The following GPSM2 variants were observed in gnomAD, a reference collection of about 807,000 sequenced individuals.
The protein encoded by GPSM2 is G protein-signaling modulator 2.
GPSM2 carries 58 observed loss-of-function variants against 78.4 expected under a neutral mutation model. The observed-to-expected ratio is 0.74, with a 90% CI of 0.60 to 0.92. The LOEUF (loss-of-function observed/expected upper bound fraction) is 0.92. GPSM2 is among the 40% of genes least tolerant of loss of function. The pLI, the probability that GPSM2 is intolerant of heterozygous loss-of-function variation, is 0.00. For missense variants in GPSM2, 700 were observed against 815.5 expected (o/e 0.86, Z 1.73); for synonymous variants, 224 against 280.2 (o/e 0.80, Z 2.00).
chr1:108,920,531 CT>C (rs935586272), intron 12 of GPSM2, among the ~76,000 whole-genome samples: 52 of 148,496 alleles, frequency 3.5e-4, no homozygotes, highest in Non-Finnish European at 5.1e-4. Context: ...AAAAAAAAGC[CT>C]TTTTTTTTTA....
intron 2 of GPSM2, among the ~76,000 whole-genome samples, chr1:108,886,480 T>C (rs920298467): frequency 6.7e-6 from 1 of 148,800 alleles, no homozygotes; most frequent in African/African-American, 2.4e-5. Flanking sequence ...TCTCACAAGC[T>C]TCACGGTCCC....
chr1:108,924,980 T>C (rs1046404725), intron 14 of GPSM2, among the ~76,000 whole-genome samples: 2 of 152,096 alleles, frequency 1.3e-5, no homozygotes, highest in African/African-American at 4.8e-5. Flanking sequence ...AGGCAAAAAA[T>C]ATTGGTGATA....
At chr1:108,923,446 A>C (rs1650892410) in intron 13 of GPSM2, among the ~76,000 whole-genome samples, 1 of 152,252 alleles carries the variant, frequency 6.6e-6, no homozygotes, top group Non-Finnish European at 1.5e-5. Flanking sequence ...AAACGAAGAC[A>C]GACTGAAGAG....
intron 10 of GPSM2, among the ~76,000 whole-genome samples, chr1:108,907,391 G>GT (rs1247027254): frequency 1.3e-5 from 2 of 152,142 alleles, no homozygotes; most frequent in East Asian, 3.8e-4. Flanking sequence ...CTTAGCAGAA[G>GT]TAAGACCAAA....
Position 108,911,377 on chromosome 1 carries a change from C to T in GPSM2, c.1193-2961C>T, listed in dbSNP as rs371451710. On this transcript the variant is annotated intron_variant, in intron 10 of 14. Coordinates refer to ENST00000264126, the MANE Select transcript of GPSM2 (RefSeq NM_013296.5). Reference sequence around the variant, plus strand: ...ACCCCGTCTCTACTAAAAATACAGACATTAGCTGGGGGTGGTGCAGGGCCC... The same window carrying T: ...ACCCCGTCTCTACTAAAAATACAGATATTAGCTGGGGGTGGTGCAGGGCCC... 4.6e-5 allele frequency among the ~76,000 whole-genome samples: 7 copies of T among 151,926 alleles called. No individual in the cohort carries two copies. In the East Asian group the frequency reaches 1.2e-3, roughly 25 times the overall value.
intron 1 of GPSM2, among the ~76,000 whole-genome samples, chr1:108,881,320 A>G (rs1174966726): frequency 2.0e-5 from 3 of 152,212 alleles, no homozygotes; most frequent in African/African-American, 7.2e-5. Context: ...TGGAGGTTGG[A>G]GGTTGAACTT....
Position 108,901,910 on chromosome 1 carries a change from G to A in GPSM2, c.918G>A (p.Leu306=), listed in dbSNP as rs768771173. The A allele has an allele frequency of 6.2e-7, 1 of 1,611,920 alleles. No homozygotes were observed. Among genetic ancestry groups the A allele is most frequent in the South Asian group, 1.1e-5 (1 of 91,034 alleles). The change falls in exon 8 of 15, where the codon CTG becomes CTA. Residue 306 remains leucine (L), a synonymous_variant. Transcript: ENST00000264126. The part of the protein sequence containing the change: ...QDYEKAIDYH[L]KHLAIAQELN... ...ATGAAAAGGCCATTGATTATCATCT[G>A]AAGCACTTAGCAATTGCTCAAGAGC... is the stretch of plus-strand genomic sequence containing the variant.
chr1:108,899,034 C>T, intron 7 of GPSM2, 40 bp downstream of exon 7: 1 of 1,158,782 alleles, frequency 8.6e-7, no homozygotes, highest in South Asian at 1.2e-5. Flanking sequence ...AAAATGAATA[C>T]TCAGTCCCAT....
At position 108,924,179 on chromosome 1, in the gene GPSM2, G is replaced by C. The variant is rs757748322; in HGVS notation, c.1780G>C (p.Asp594His). 6.2e-7 allele frequency: 1 copy of C among 1,613,430 alleles called. No individual in the cohort carries two copies. The highest frequency in any genetic ancestry group is 1.1e-5 in the South Asian group (1 of 91,064). ...HLMTNDNKEA[D>H]EDFFDILVKC... Reference sequence around the variant, plus strand: ...GATGACTAATGACAACAAAGAGGCTGATGAAGATTTCTTTGACATCCTTGT... The same window carrying C: ...GATGACTAATGACAACAAAGAGGCTCATGAAGATTTCTTTGACATCCTTGT... The change falls in exon 14 of 15, where the codon GAT (aspartate) becomes CAT (histidine). Residue 594 changes from aspartate (D) to histidine (H), a missense_variant. By Grantham distance (81) the Asp-to-His change is moderately conservative. Transcript: ENST00000264126.
chr1:108,889,647 CCTTTA>C (rs1331769195), intron 2 of GPSM2, among the ~76,000 whole-genome samples: 3 of 152,268 alleles, frequency 2.0e-5, no homozygotes, highest in South Asian at 2.1e-4. Flanking sequence ...TGAAGAGGAA[CCTTTA>C]CTTTACTTTT....
intron 11 of GPSM2, among the ~76,000 whole-genome samples, chr1:108,917,990 T>A (rs1353574395): frequency 1.3e-5 from 2 of 152,136 alleles, no homozygotes; most frequent in Non-Finnish European, 2.9e-5. Flanking sequence ...ACCTTTAGAC[T>A]TACTTGTAAA....
chr1:108,897,866 TC>T (rs1391314226), intron 4 of GPSM2, 92 bp from the exon 5 acceptor site: 40 of 1,345,800 alleles, frequency 3.0e-5, no homozygotes, highest in Non-Finnish European at 4.1e-5. Flanking sequence ...AAAATTTTTT[TC>T]CCTTGTCCGT....
intron 10 of GPSM2, among the ~76,000 whole-genome samples, chr1:108,912,298 A>T (rs1215660891): frequency 1.3e-5 from 2 of 152,218 alleles, no homozygotes; most frequent in African/African-American, 4.8e-5. Flanking sequence ...TATAAGTAAT[A>T]AGACAGTGTG....
rs1358162169 is a variant in GPSM2, at chr1:108,934,419, TTAAAA to T, written c.*4484_*4488del. 18 of 473,224 alleles carry T rather than the reference TTAAAA, an allele frequency of 3.8e-5. No homozygotes were observed. Among genetic ancestry groups the T allele is most frequent in the African/African-American group, 2.9e-4 (15 of 52,036 alleles). 29.3% of individuals were successfully genotyped at this position (473,224 alleles called of 1,614,324 possible). ...CAGTGATGCCTGTCATCTGTTCATC[TTAAAA>T]TAAACACTTCTTACTTTATGGGATG... On this transcript the variant is annotated 3_prime_UTR_variant, in exon 15 of 15. Coordinates refer to ENST00000264126, the MANE Select transcript of GPSM2 (RefSeq NM_013296.5).
intron 4 of GPSM2, 64 bp downstream of exon 4, chr1:108,897,691 C>T: frequency 1.5e-6 from 2 of 1,353,122 alleles, no homozygotes; most frequent in South Asian, 1.3e-5. Flanking sequence ...CATTTTAATA[C>T]TATTTAATTA....
intron 12 of GPSM2, among the ~76,000 whole-genome samples, chr1:108,919,786 A>G (rs1650560546): frequency 1.3e-5 from 2 of 152,186 alleles, no homozygotes; most frequent in African/African-American, 4.8e-5. Flanking sequence ...ACTGATAATC[A>G]GTATCAGGGA....
intron 10 of GPSM2, among the ~76,000 whole-genome samples, chr1:108,905,481 C>T (rs1224192625): frequency 6.6e-6 from 1 of 152,166 alleles, no homozygotes; most frequent in Non-Finnish European, 1.5e-5. Flanking sequence ...CTTGATTTTT[C>T]TCAGCAATAT....
intron 2 of GPSM2, among the ~76,000 whole-genome samples, chr1:108,887,808 G>A (rs1185071827): frequency 2.0e-5 from 3 of 152,122 alleles, no homozygotes. Flanking sequence ...TGAGCATCTT[G>A]AAGGAATGGG....
chr1:108,907,074 A>ACCTG (rs1264372595), intron 10 of GPSM2, among the ~76,000 whole-genome samples: 14 of 151,906 alleles, frequency 9.2e-5, no homozygotes, highest in African/African-American at 3.4e-4. Flanking sequence ...TGTAATCTGA[A>ACCTG]CCTATCTCTT....
Sources: allele counts gnomAD v4.1 joint callset (sites outside exome capture counted in the v4.1 genomes callset), GRCh38; gene constraint gnomAD v4.1.1; transcripts MANE v1.5; gene names NCBI Gene and HGNC (gene_info 2026-07-23, HGNC 2026-07-21).